ABCC1: variants seen among roughly 807,000 people sequenced by gnomAD.
ABCC1 encodes ATP binding cassette subfamily C member 1 (ABCC1 blood group), also known as multidrug resistance-associated protein 1.
ABCC1 carries 83 observed loss-of-function variants against 172.9 expected under a neutral mutation model. That is an observed-to-expected ratio of 0.48 (90% CI 0.40 to 0.58). ABCC1 has a LOEUF of 0.58. Among genes scored for constraint, ABCC1 ranks in the 20% least tolerant of loss-of-function variants. The pLI, the probability that ABCC1 is intolerant of heterozygous loss-of-function variation, is 0.00. For synonymous variants in ABCC1, 937 were observed against 825.2 expected (o/e 1.14, Z -2.32); for missense variants, 1,817 against 2,002.7 (o/e 0.91, Z 1.77).
chr16:16,126,936 C>CT (rs1217892597), intron 26 of ABCC1, among the ~76,000 whole-genome samples: 1 of 152,098 alleles, frequency 6.6e-6, no homozygotes, highest in African/African-American at 2.4e-5. Flanking sequence ...AAAAGGGAAC[C>CT]TGGGGAGGGA....
At position 15,949,703 on chromosome 16, in the gene ABCC1, G is replaced by A; in HGVS notation, c.-49G>A. 9.3e-7 allele frequency: 1 copy of A among 1,073,132 alleles called. No homozygotes were observed. The highest frequency in any genetic ancestry group is 1.7e-5 in the African/African-American group (1 of 58,498). 66.5% of individuals were successfully genotyped at this position (1,073,132 alleles called of 1,614,324 possible). A position where few individuals can be genotyped will look rare whatever the true frequency, so the allele number is the denominator to read the frequency against. ...CCCGCCGCCGCCCGCGCCAGCAACC[G>A]GGCCCGATCACCCGCCGCCCGGTGC... On this transcript the variant is annotated 5_prime_UTR_variant, in exon 1 of 31. Transcript: ENST00000399410.
At chr16:16,133,729 T>A (rs554422652) in intron 27 of ABCC1, among the ~76,000 whole-genome samples, 1 of 152,226 alleles carries the variant, frequency 6.6e-6, no homozygotes, top group Admixed American at 6.5e-5. Flanking sequence ...ATGGCTTATC[T>A]CACGTCATGA....
At position 15,951,926 on chromosome 16, in the gene ABCC1, G is replaced by A. The variant is rs548762373; in HGVS notation, c.48+2127G>A. ...GCTGGTCTCCTACTCCTGGGCTCAA[G>A]CGATCCTCCTGCCTTGGCCTCCAAA... On this transcript the variant is annotated intron_variant, in intron 1 of 30. Coordinates refer to ENST00000399410, the MANE Select transcript of ABCC1 (RefSeq NM_004996.4). Among the ~76,000 whole-genome samples the A allele has an allele frequency of 6.2e-4, 95 of 152,308 alleles. 1 individual carries two copies. In the South Asian group the frequency reaches 6.4e-3, roughly 10 times the overall value.
chr16:16,043,677 C>T (rs1453159400), intron 7 of ABCC1, among the ~76,000 whole-genome samples: 2 of 152,060 alleles, frequency 1.3e-5, no homozygotes, highest in African/African-American at 4.8e-5. Context: ...TCTCCACTCA[C>T]AGCAACCTCC....
intron 3 of ABCC1, among the ~76,000 whole-genome samples, chr16:16,013,160 A>G (rs1016137700): frequency 6.6e-6 from 1 of 152,142 alleles, no homozygotes; most frequent in Non-Finnish European, 1.5e-5. Context: ...CTGGGATGGA[A>G]TGGAGGACCA....
chr16:16,106,847 G>A lies in ABCC1; in HGVS notation c.2845G>A (p.Glu949Lys). 6.2e-7 allele frequency: 1 copy of A among 1,614,166 alleles called. No individual in the cohort carries two copies. Among genetic ancestry groups the A allele is most frequent in the Non-Finnish European group, 8.5e-7 (1 of 1,180,038 alleles). ...GAAGGAGGAGACCTGGAAGCTGATG[G>A]AGGCTGACAAGGCGCAGACAGGGCA... is the stretch of plus-strand genomic sequence containing the variant. The part of the protein sequence containing the change: ...AKKEETWKLM[E>K]ADKAQTGQVK... The change falls in exon 21 of 31, where the codon GAG becomes AAG. Residue 949 changes from glutamate to lysine, a missense_variant. Coordinates refer to ENST00000399410, the MANE Select transcript of ABCC1 (RefSeq NM_004996.4).
chr16:16,079,538 A>G (rs2050723717), intron 16 of ABCC1, 60 bp downstream of exon 16: 2 of 1,563,542 alleles, frequency 1.3e-6, no homozygotes, highest in Admixed American at 3.7e-5. Context: ...GGAAAAGCTC[A>G]GAAATGATGG....
At chr16:16,116,393 G>A (rs1384680207) in intron 23 of ABCC1, among the ~76,000 whole-genome samples, 3 of 152,132 alleles carry the variant, frequency 2.0e-5, no homozygotes, top group Non-Finnish European at 4.4e-5. Flanking sequence ...TTAAACTGCA[G>A]ATAGTATTGA....
rs749120565 is a variant in ABCC1 at position 16,056,192 on chromosome 16, A to G, written c.1574A>G (p.Lys525Arg). The G allele has an allele frequency of 1.9e-6, 3 of 1,614,180 alleles. No individual in the cohort carries two copies. Among genetic ancestry groups the G allele is most frequent in the Admixed American group, 1.7e-5 (1 of 60,002 alleles). ...CTTTATGCCTGGGAGCTGGCATTCA[A>G]GGACAAGGTGCTGGCCATCAGGCAG... ...LKLYAWELAF[K>R]DKVLAIRQEE... The change falls in exon 12 of 31, where the codon AAG (lysine) becomes AGG (arginine). Residue 525 changes from lysine to arginine, a missense_variant. Physicochemically the swap from Lys to Arg is conservative, Grantham distance 26. Coordinates refer to ENST00000399410, the MANE Select transcript of ABCC1 (RefSeq NM_004996.4).
chr16:16,125,436 T>A (rs1596541918), intron 25 of ABCC1, among the ~76,000 whole-genome samples: 1 of 152,100 alleles, frequency 6.6e-6, no homozygotes, highest in Admixed American at 6.6e-5. Flanking sequence ...TTTATTTATT[T>A]ATTTTTTTTG....
intron 5 of ABCC1, among the ~76,000 whole-genome samples, chr16:16,027,554 T>C (rs1055538080): frequency 1.3e-5 from 2 of 152,178 alleles, no homozygotes; most frequent in Admixed American, 1.3e-4. Context: ...GGTTCATGCC[T>C]ATAATCCCAG....
rs57111358 is a variant in ABCC1, at chr16:15,990,816, A to ATTTT, written c.49-16983_49-16980dup. On this transcript the variant is annotated intron_variant, in intron 1 of 30. Transcript: ENST00000399410. The stretch of plus-strand genomic sequence containing the variant: ...AGGTGCCTGCCGCCACGCCCGGCTA[A>ATTTT]TTTTTTTTTTTTTTTTTTTTGCATT... Among the ~76,000 whole-genome samples, 971 of 118,114 alleles carry ATTTT rather than the reference A, an allele frequency of 8.2e-3. 21 individuals are homozygous for ATTTT. Among genetic ancestry groups the ATTTT allele is most frequent in the African/African-American group, 0.027 (851 of 31,228 alleles). The allele number at this position is 118,114 out of a possible 152,430, so 77.5% of individuals were successfully genotyped here.
intron 12 of ABCC1, among the ~76,000 whole-genome samples, chr16:16,067,306 A>T (rs1196901688): frequency 1.3e-5 from 2 of 152,156 alleles, no homozygotes; most frequent in Non-Finnish European, 2.9e-5. Context: ...GCTCAGCGTC[A>T]TCTGTCTTGT....
intron 1 of ABCC1, among the ~76,000 whole-genome samples, chr16:15,959,417 C>G (rs1329677455): frequency 6.6e-6 from 1 of 152,162 alleles, no homozygotes; most frequent in East Asian, 1.9e-4. Context: ...CCTCGACCTC[C>G]TGGGCTGAAG....
chr16:16,016,651 C>CGTGTGT, intron 5 of ABCC1, 30 bp downstream of exon 5: 1 of 1,612,214 alleles, frequency 6.2e-7, no homozygotes. Flanking sequence ...AGTGTGTGTG[C>CGTGTGT]GTGTGTGTGT....
chr16:16,131,755 A>G (rs745446063), intron 26 of ABCC1, 34 bp from the exon 27 acceptor site: 2 of 1,605,862 alleles, frequency 1.2e-6, no homozygotes, highest in Non-Finnish European at 8.5e-7. Flanking sequence ...ATGGACTGGA[A>G]ATTCCTTACT....
chr16:16,001,221 T>G (rs1434846324), intron 1 of ABCC1, among the ~76,000 whole-genome samples: 3 of 152,078 alleles, frequency 2.0e-5, no homozygotes, highest in Admixed American at 6.6e-5. Flanking sequence ...TTTTTATTTT[T>G]TATGTTTTGA....
At chr16:16,082,140 GT>G (rs1250870036) in intron 16 of ABCC1, among the ~76,000 whole-genome samples, 1 of 152,210 alleles carries the variant, frequency 6.6e-6, no homozygotes, top group Non-Finnish European at 1.5e-5. Context: ...ATTGATCGAT[GT>G]TCCTGTCACG....
At chr16:16,117,787 T>A (rs2044959203) in intron 23 of ABCC1, among the ~76,000 whole-genome samples, 1 of 152,244 alleles carries the variant, frequency 6.6e-6, no homozygotes, top group South Asian at 2.1e-4. Flanking sequence ...GTGCCTATAG[T>A]CCCAGCTGCT....
Sources: gnomAD v4.1 joint callset for allele counts (sites outside exome capture counted in the v4.1 genomes callset) on GRCh38, gnomAD v4.1.1 for gene constraint, MANE v1.5 for transcripts, NCBI Gene and HGNC (gene_info 2026-07-23, HGNC 2026-07-21) for gene names.